Variants in EPHB1 observed in about 807,000 individuals in gnomAD.
EPHB1 encodes the protein ephrin type-B receptor 1.
In EPHB1, 30 loss-of-function variants were observed where a neutral mutation model predicts 94.4. The observed-to-expected ratio is 0.32, with a 90% CI of 0.24 to 0.43. The LOEUF (loss-of-function observed/expected upper bound fraction) is 0.43, where lower values mean the gene tolerates loss of function less well. Ranked by LOEUF, EPHB1 falls within the 20% of genes least tolerant of loss-of-function variation. EPHB1 has a pLI of 1.00. For synonymous variants in EPHB1, 522 were observed against 489.1 expected (o/e 1.07, Z -0.89); for missense variants, 1,055 against 1,308.3 (o/e 0.81, Z 2.99).
At chr3:134,812,742 A>G (rs1321192273) in intron 1 of EPHB1, among the ~76,000 whole-genome samples, 4 of 152,204 alleles carry the variant, frequency 2.6e-5, no homozygotes, top group African/African-American at 9.7e-5. Context: ...TGAGACCCCC[A>G]GTTGTTCCAC....
chr3:134,939,737 C>T (rs978295011), intron 2 of EPHB1, among the ~76,000 whole-genome samples: 2 of 152,188 alleles, frequency 1.3e-5, no homozygotes, highest in Non-Finnish European at 2.9e-5. Flanking sequence ...AATCTTTGGC[C>T]TCCTGTGGGC....
At chr3:135,012,613 A>G (rs1474974144) in intron 3 of EPHB1, among the ~76,000 whole-genome samples, 2 of 152,320 alleles carry the variant, frequency 1.3e-5, no homozygotes, top group African/African-American at 2.4e-5. Flanking sequence ...TTGTGGTTCA[A>G]ATTTGTTGGA....
At chr3:134,918,376 C>T (rs568406414) in intron 1 of EPHB1, among the ~76,000 whole-genome samples, 3 of 152,202 alleles carry the variant, frequency 2.0e-5, no homozygotes, top group Admixed American at 6.5e-5. Flanking sequence ...AAAGGCCAGG[C>T]ATTTGTGGCA....
intron 9 of EPHB1, among the ~76,000 whole-genome samples, chr3:135,178,177 G>A (rs562226332): frequency 1.3e-5 from 2 of 150,934 alleles, no homozygotes; most frequent in African/African-American, 4.9e-5. Flanking sequence ...CCTCAGGCCA[G>A]GCGTGGTGAC....
intron 6 of EPHB1, 21 bp from the exon 7 acceptor site, chr3:135,161,997 C>G (rs760521195): frequency 6.3e-7 from 1 of 1,594,046 alleles, no homozygotes. Flanking sequence ...GATAGTGACC[C>G]TTTCCCTTGC....
At chr3:134,980,707 T>A (rs538250021) in intron 3 of EPHB1, among the ~76,000 whole-genome samples, 16 of 152,334 alleles carry the variant, frequency 1.1e-4, no homozygotes, top group African/African-American at 3.6e-4. Flanking sequence ...AAGAGGTGAC[T>A]CTTGCCATCC....
intron 1 of EPHB1, among the ~76,000 whole-genome samples, chr3:134,818,310 T>C (rs926376978): frequency 6.6e-6 from 1 of 152,212 alleles, no homozygotes; most frequent in African/African-American, 2.4e-5. Context: ...GGCAGCCTCC[T>C]TGGCTTAGGA....
chr3:135,152,186 G>T lies in EPHB1; in HGVS notation c.1298-1966G>T, dbSNP rs115093902. 7.5e-3 allele frequency among the ~76,000 whole-genome samples: 1,149 copies of T among 152,312 alleles called. 6 individuals carry two copies. The highest frequency in any genetic ancestry group is 0.012 in the Non-Finnish European group (828 of 68,010). ...TTTTTTTCAGCAGGAATAGCTCAAG[G>T]AAGATCTAACTAGTTTCCTTAGATA... On this transcript the variant is annotated intron_variant, in intron 5 of 15. Transcript: ENST00000398015.
At chr3:134,983,593 C>T (rs1039104276) in intron 3 of EPHB1, among the ~76,000 whole-genome samples, 1 of 152,186 alleles carries the variant, frequency 6.6e-6, no homozygotes, top group African/African-American at 2.4e-5. Flanking sequence ...GGACAGAGTG[C>T]CTGAGAGACT....
At chr3:134,812,346 CTCATAGAAATGGAA>C (rs2036194495) in intron 1 of EPHB1, among the ~76,000 whole-genome samples, 1 of 152,160 alleles carries the variant, frequency 6.6e-6, no homozygotes, top group Admixed American at 6.5e-5. Context: ...TTTCTAAAAG[CTCATAGAAATGGAA>C]TCATAGAGTA....
intron 2 of EPHB1, among the ~76,000 whole-genome samples, chr3:134,934,093 T>C (rs1326157619): frequency 6.6e-6 from 1 of 151,580 alleles, no homozygotes; most frequent in Non-Finnish European, 1.5e-5. Flanking sequence ...TTTTTCTCTC[T>C]CTACCAAAAG....
At position 135,149,788 on chromosome 3, in the gene EPHB1, T is replaced by G. The variant is rs370093090; in HGVS notation, c.1298-4364T>G. ...TCTTCCACAGGGCCTGTAACCCTCA[T>G]GTCATTGCCATGAATCTGAGAAATA... is the stretch of plus-strand genomic sequence containing the variant. On this transcript the variant is annotated intron_variant, in intron 5 of 15. Coordinates refer to ENST00000398015, the MANE Select transcript of EPHB1 (RefSeq NM_004441.5). 2.6e-5 allele frequency among the ~76,000 whole-genome samples: 4 copies of G among 152,328 alleles called. No homozygotes were observed. The East Asian group carries it at 7.7e-4, about 29-fold the overall frequency.
chr3:135,177,150 A>C (rs1209354232), intron 9 of EPHB1, among the ~76,000 whole-genome samples: 4 of 152,166 alleles, frequency 2.6e-5, no homozygotes, highest in African/African-American at 9.7e-5. Flanking sequence ...TACCGCCCTC[A>C]TAGGCAGAGG....
intron 1 of EPHB1, among the ~76,000 whole-genome samples, chr3:134,865,959 A>G (rs1196550135): frequency 1.3e-4 from 20 of 152,242 alleles, no homozygotes; most frequent in Non-Finnish European, 1.5e-5. Context: ...AGGTAGGAGG[A>G]GACTTCTCAC....
At chr3:134,931,689 C>T (rs774233695) in intron 2 of EPHB1, among the ~76,000 whole-genome samples, 3 of 152,130 alleles carry the variant, frequency 2.0e-5, no homozygotes, top group Non-Finnish European at 2.9e-5. Context: ...GTGAGCTGGG[C>T]TCATGTGTAC....
intron 3 of EPHB1, among the ~76,000 whole-genome samples, chr3:135,081,197 A>G (rs1380977424): frequency 6.6e-6 from 1 of 152,188 alleles, no homozygotes; most frequent in East Asian, 1.9e-4. Context: ...GAGGAATTTC[A>G]TAGTCTTGGT....
intron 1 of EPHB1, among the ~76,000 whole-genome samples, chr3:134,811,427 C>T (rs555140289): frequency 4.0e-5 from 6 of 151,850 alleles, no homozygotes; most frequent in South Asian, 2.1e-4. Flanking sequence ...TTAGTAGAGA[C>T]GGGGTTTCAC....
At chr3:135,168,720 G>A (rs1034762612) in intron 9 of EPHB1, among the ~76,000 whole-genome samples, 1 of 152,124 alleles carries the variant, frequency 6.6e-6, no homozygotes, top group African/African-American at 2.4e-5. Flanking sequence ...GCTCAGGGCT[G>A]GCTCTTTTTC....
At chr3:134,826,006 C>T (rs1036192926) in intron 1 of EPHB1, among the ~76,000 whole-genome samples, 1 of 151,086 alleles carries the variant, frequency 6.6e-6, no homozygotes, top group Non-Finnish European at 1.5e-5. Flanking sequence ...CTTTGGGAGG[C>T]TGAGGCAGGT....
Sources: gnomAD v4.1 joint callset for allele counts (sites outside exome capture counted in the v4.1 genomes callset) on GRCh38, gnomAD v4.1.1 for gene constraint, MANE v1.5 for transcripts, NCBI Gene and HGNC (gene_info 2026-07-23, HGNC 2026-07-21) for gene names.